The following IFT74 variants were observed in gnomAD, a reference collection of about 807,000 sequenced individuals.
IFT74 encodes the protein intraflagellar transport 74.
In IFT74, 92 loss-of-function variants were observed where a neutral mutation model predicts 96.7. The ratio of observed to expected loss-of-function variants is 0.95; its 90% CI spans 0.80 to 1.13. The LOEUF is 1.13. IFT74 is among the 50% of genes most tolerant of loss of function. The pLI is 0.00. For missense variants in IFT74, 811 were observed against 698.2 expected, an observed-to-expected ratio of 1.16 and a Z score of -1.82; for synonymous variants, 223 against 213.2, an observed-to-expected ratio of 1.05 and a Z score of -0.40.
intron 10 of IFT74, 52 bp downstream of exon 10, chr9:27,012,020 A>C (rs372439870): frequency 4.3e-6 from 5 of 1,154,824 alleles, no homozygotes; most frequent in Non-Finnish European, 6.1e-6. Context: ...AAAAAAGTTA[A>C]TTCAGCCAAG....
chr9:27,041,903 ATGTGTAG>A (rs1196948113), intron 13 of IFT74, among the ~76,000 whole-genome samples: 5 of 152,082 alleles, frequency 3.3e-5, no homozygotes, highest in Non-Finnish European at 7.4e-5. Flanking sequence ...ATCTGCTGAG[ATGTGTAG>A]GAGCTCTGTC....
At chr9:27,053,084 C>T (rs1223805704) in intron 16 of IFT74, among the ~76,000 whole-genome samples, 8 of 150,384 alleles carry the variant, frequency 5.3e-5, no homozygotes, top group South Asian at 2.1e-4. Context: ...AGGATGGCCT[C>T]GATCTCCTGA....
At chr9:27,013,569 A>G (rs750653581) in intron 10 of IFT74, among the ~76,000 whole-genome samples, 8 of 152,226 alleles carry the variant, frequency 5.3e-5, no homozygotes, top group Non-Finnish European at 1.0e-4. Context: ...GACAGCAAAT[A>G]TTATCTGACT....
chr9:27,023,370 G>C (rs1381805242), intron 12 of IFT74, among the ~76,000 whole-genome samples: 2 of 152,150 alleles, frequency 1.3e-5, no homozygotes, highest in Non-Finnish European at 2.9e-5. Context: ...AATCATAAAA[G>C]GATGCTGGAT....
chr9:26,984,396 T>G (rs1261509637), intron 5 of IFT74, 41 bp downstream of exon 5: 1 of 1,576,482 alleles, frequency 6.3e-7, no homozygotes, highest in African/African-American at 1.4e-5. Flanking sequence ...TATTTTGTGC[T>G]TATAATACTA....
rs533436315 is a variant in IFT74, at chr9:27,062,656, A to G, written c.1723A>G (p.Ile575Val). 1.2e-6 allele frequency: 2 copies of G among 1,610,276 alleles called. No homozygotes were observed. The highest frequency in any genetic ancestry group is 2.2e-5 in the East Asian group (1 of 44,698). ...TKSQESDYQPIKKNVTKQIAE... is the reference protein window; with the variant it reads ...TKSQESDYQPVKKNVTKQIAE... The stretch of plus-strand genomic sequence containing the variant: ...GAGTCAAGAGAGTGATTACCAGCCA[A>G]TTAAGAAAAATGTGACCAAGCAGAT... The change falls in exon 20 of 20, where the codon ATT becomes GTT. Residue 575 changes from isoleucine (I) to valine (V), a missense_variant. Coordinates refer to ENST00000380062, the MANE Select transcript of IFT74 (RefSeq NM_025103.4).
chr9:26,992,379 T>C (rs1827924912), intron 8 of IFT74, among the ~76,000 whole-genome samples: 1 of 152,146 alleles, frequency 6.6e-6, no homozygotes, highest in Non-Finnish European at 1.5e-5. Context: ...CTTGTCTGTT[T>C]TAGGCAGAAA....
chr9:27,030,036 G>A (rs1391074906), intron 13 of IFT74, among the ~76,000 whole-genome samples: 1 of 151,836 alleles, frequency 6.6e-6, no homozygotes, highest in Non-Finnish European at 1.5e-5. Context: ...TGGGTGTGGG[G>A]GCTACATTGT....
chr9:26,978,051 G>T, intron 2 of IFT74, 77 bp from the exon 3 acceptor site: 1 of 1,309,560 alleles, frequency 7.6e-7, no homozygotes, highest in Non-Finnish European at 1.0e-6. Context: ...TTAAAAAATT[G>T]TCTTTGCAGT....
chr9:26,963,126 A>G (rs1826442473), intron 2 of IFT74, among the ~76,000 whole-genome samples: 1 of 151,884 alleles, frequency 6.6e-6, no homozygotes, highest in African/African-American at 2.4e-5. Context: ...ACCCCACAAC[A>G]GTCCCCAGAG....
intron 8 of IFT74, among the ~76,000 whole-genome samples, chr9:26,991,403 G>T (rs1278304734): frequency 1.3e-5 from 2 of 151,930 alleles, no homozygotes; most frequent in African/African-American, 2.4e-5. Context: ...TGTTTCTTGG[G>T]GAGACAGGGT....
intron 8 of IFT74, among the ~76,000 whole-genome samples, chr9:27,005,337 C>G (rs1330959485): frequency 2.7e-5 from 3 of 111,572 alleles, no homozygotes; most frequent in Non-Finnish European, 5.2e-5. Context: ...ATTTGATTGG[C>G]TAGATGAAAC....
intron 6 of IFT74, 67 bp from the exon 7 acceptor site, chr9:26,988,602 T>A: frequency 1.5e-6 from 2 of 1,332,374 alleles, no homozygotes; most frequent in Non-Finnish European, 2.0e-6. Context: ...ACCTATATTA[T>A]TAATTATAGA....
At chr9:26,948,207 T>C (rs1349687683) in intron 1 of IFT74, among the ~76,000 whole-genome samples, 1 of 152,198 alleles carries the variant, frequency 6.6e-6, no homozygotes, top group Non-Finnish European at 1.5e-5. Context: ...GTGGATTATT[T>C]ACTACTTGGC....
At chr9:27,044,872 T>C in intron 14 of IFT74, 77 bp downstream of exon 14, 1 of 821,078 alleles carries the variant, frequency 1.2e-6, no homozygotes, top group South Asian at 2.0e-5. Context: ...AGAGACCTCA[T>C]TTTGGGCAGA....
intron 8 of IFT74, among the ~76,000 whole-genome samples, chr9:27,005,238 C>CT (rs1828705539): frequency 6.8e-6 from 1 of 146,248 alleles, no homozygotes; most frequent in African/African-American, 2.5e-5. Context: ...CATGGCCAGT[C>CT]TTTTTTTTAT....
chr9:26,974,143 T>C (rs1458251242), intron 2 of IFT74, among the ~76,000 whole-genome samples: 2 of 152,170 alleles, frequency 1.3e-5, no homozygotes, highest in Non-Finnish European at 2.9e-5. Context: ...TTGGATCCTT[T>C]ATAGTTCTTG....
At chr9:27,017,938 C>A (rs370026919) in intron 11 of IFT74, among the ~76,000 whole-genome samples, 1 of 152,098 alleles carries the variant, frequency 6.6e-6, no homozygotes, top group East Asian at 1.9e-4. Flanking sequence ...GACTCCTTTG[C>A]CCTTAGACTT....
intron 12 of IFT74, among the ~76,000 whole-genome samples, chr9:27,022,969 G>A (rs998701737): frequency 7.9e-5 from 12 of 152,086 alleles, no homozygotes; most frequent in African/African-American, 2.9e-4. Context: ...CTTGGTTGCT[G>A]TTGGTATATA....
Sources: gnomAD v4.1 joint callset for allele counts (sites outside exome capture counted in the v4.1 genomes callset) on GRCh38, gnomAD v4.1.1 for gene constraint, MANE v1.5 for transcripts, NCBI Gene and HGNC (gene_info 2026-07-23, HGNC 2026-07-21) for gene names.